Variants in KREMEN2 observed in about 807,000 individuals in gnomAD.
KREMEN2 encodes kremen protein 2.
Under a neutral mutation model 49.8 loss-of-function variants are expected in KREMEN2, and 43 were observed. The observed-to-expected ratio is 0.86, with a 90% CI of 0.68 to 1.11. KREMEN2 has a LOEUF of 1.11. KREMEN2 is among the 50% of genes most tolerant of loss of function. KREMEN2 has a pLI of 0.00. For synonymous variants in KREMEN2, 355 were observed against 304.9 expected, an observed-to-expected ratio of 1.16 and a Z score of -1.71; for missense variants, 686 against 665.7, an observed-to-expected ratio of 1.03 and a Z score of -0.34.
chr16:2,968,173 G>A lies in KREMEN2; in HGVS notation c.*153G>A, dbSNP rs1047429303. ...AAAAGTCGGACAGGAAACATCTGGT[G>A]CTATTATCTGGGACTTGGCCTGACC... On this transcript the variant is annotated 3_prime_UTR_variant, in exon 9 of 9. Coordinates refer to ENST00000303746, the MANE Select transcript of KREMEN2 (RefSeq NM_172229.3). 1 of 945,838 alleles carries A rather than the reference G, an allele frequency of 1.1e-6. No homozygotes were observed. Among genetic ancestry groups the A allele is most frequent in the Non-Finnish European group, 1.6e-6 (1 of 618,810 alleles). The allele number at this position is 945,838 out of a possible 1,614,324, so 58.6% of individuals were successfully genotyped here.
At position 2,967,898 on chromosome 16, in the gene KREMEN2, C is replaced by T. The variant is rs758718074; in HGVS notation, c.1267C>T (p.Pro423Ser). The change falls in exon 9 of 9, where the codon CCC becomes TCC. Residue 423 changes from proline to serine, a missense_variant. Physicochemically the swap from Pro to Ser is moderately conservative, Grantham distance 74. Transcript: ENST00000303746. ...AAGCTGGGCTGTGTGGTACCAACAGCCCCGAGGGGTGGCCTTGCCCTGCTC... is the reference window on the plus strand; with the variant it reads ...AAGCTGGGCTGTGTGGTACCAACAGTCCCGAGGGGTGGCCTTGCCCTGCTC... ...RRSWAVWYQQPRGVALPCSPG... is the reference protein window; with the variant it reads ...RRSWAVWYQQSRGVALPCSPG... The T allele has an allele frequency of 1.5e-5, 23 of 1,560,746 alleles. No homozygotes were observed. Among genetic ancestry groups the T allele is most frequent in the Non-Finnish European group, 1.8e-5 (21 of 1,153,424 alleles).
chr16:2,968,107 T>G lies in KREMEN2; in HGVS notation c.*87T>G. On this transcript the variant is annotated 3_prime_UTR_variant, in exon 9 of 9. Coordinates refer to ENST00000303746, the MANE Select transcript of KREMEN2 (RefSeq NM_172229.3). ...CTGCGCCCTGCCTCGGCCTTGCGCC[T>G]GTGTAGGGGCAGCTCGGCCTCTGGT... The G allele has an allele frequency of 7.4e-7, 1 of 1,357,836 alleles. No homozygotes were observed. The highest frequency in any genetic ancestry group is 1.0e-6 in the Non-Finnish European group (1 of 986,756). 84.1% of individuals were successfully genotyped at this position (1,357,836 alleles called of 1,614,324 possible). A position where few individuals can be genotyped will look rare whatever the true frequency, so the allele number is the denominator to read the frequency against.
At position 2,966,353 on chromosome 16, in the gene KREMEN2, C is replaced by T. The variant is rs1267786945; in HGVS notation, c.390C>T (p.Asp130=). 6.2e-7 allele frequency: 1 copy of T among 1,611,954 alleles called. No individual in the cohort carries two copies. Among genetic ancestry groups the T allele is most frequent in the Non-Finnish European group, 8.5e-7 (1 of 1,180,006 alleles). ...CAGGCTACCTGGGATGCTTTGTGGA[C>T]TCAGGGGCACCCCCAGCCCTCAGCG... ...HMPGYLGCFV[D]SGAPPALSGP... The change falls in exon 4 of 9, where the codon GAC becomes GAT. Residue 130 remains aspartate, a synonymous_variant. Transcript: ENST00000303746. This position sits in a 1 kb window ranked among gnomAD's most constrained non-coding sequence, Gnocchi z 8.4.
rs941149683 is a variant in KREMEN2, at chr16:2,967,185, C to T, written c.916C>T (p.Leu306Phe). The change falls in exon 6 of 9, where the codon CTC (leucine) becomes TTC (phenylalanine). Residue 306 changes from leucine to phenylalanine, a missense_variant. Physicochemically the swap from Leu to Phe is conservative, Grantham distance 22. Transcript: ENST00000303746. ...PLRLGTAALL[L>F]TFRSDARGHA... ...GCGCCTGGGCACTGCCGCGCTGCTG[C>T]TCACCTTCCGAAGCGACGCGCGCGG... The T allele has an allele frequency of 7.3e-7, 1 of 1,369,000 alleles. No individual in the cohort carries two copies. The highest frequency in any genetic ancestry group is 9.3e-7 in the Non-Finnish European group (1 of 1,070,862). 84.8% of individuals were successfully genotyped at this position (1,369,000 alleles called of 1,614,324 possible).
chr16:2,967,541 C>T lies in KREMEN2; in HGVS notation c.1115C>T (p.Thr372Met), dbSNP rs946887817. ...PAAIGARVFS[T>M]VTAVSVLLLL... The stretch of plus-strand genomic sequence containing the variant: ...GTGCCCGCAGCCCGGGTCTTCTCGA[C>T]GGTGACGGCTGTCTCGGTGCTGCTG... The change falls in exon 8 of 9, where the codon ACG becomes ATG. Residue 372 changes from threonine to methionine, a missense_variant. Thr to Met is a moderately conservative substitution (Grantham distance 81, BLOSUM62 -1). Coordinates refer to ENST00000303746, the MANE Select transcript of KREMEN2 (RefSeq NM_172229.3). 4 of 1,532,132 alleles carry T rather than the reference C, an allele frequency of 2.6e-6. No individual in the cohort carries two copies. Among genetic ancestry groups the T allele is most frequent in the South Asian group, 1.2e-5 (1 of 83,782 alleles). 94.9% of individuals were successfully genotyped at this position (1,532,132 alleles called of 1,614,324 possible).
At position 2,966,441 on chromosome 16, in the gene KREMEN2, G is replaced by A; in HGVS notation, c.478G>A (p.Gly160Arg). ...GTGCCTACGCTTCTGCCGCATGAAGGGGTACCAGGTACTGCTCACGGGCCC... is the reference window on the plus strand; with the variant it reads ...GTGCCTACGCTTCTGCCGCATGAAGAGGTACCAGGTACTGCTCACGGGCCC... The part of the protein sequence containing the change: ...QVCLRFCRMK[G>R]YQLAGVEAGY... The change falls in exon 4 of 9, where the codon GGG (glycine) becomes AGG (arginine). Residue 160 changes from glycine to arginine, a missense_variant. Transcript: ENST00000303746. The surrounding 1 kb of genome is among the most constrained non-coding windows in gnomAD (Gnocchi z 8.4). The A allele has an allele frequency of 6.2e-7, 1 of 1,610,630 alleles. No individual in the cohort carries two copies. The highest frequency in any genetic ancestry group is 8.5e-7 in the Non-Finnish European group (1 of 1,179,984).
chr16:2,967,081 G>T lies in KREMEN2; in HGVS notation c.812G>T (p.Arg271Leu), dbSNP rs966415166. The change falls in exon 6 of 9, where the codon CGG becomes CTG. Residue 271 changes from arginine (R) to leucine (L), a missense_variant. Coordinates refer to ENST00000303746, the MANE Select transcript of KREMEN2 (RefSeq NM_172229.3). ...TTCGAGCTGGCCGACCCGCGCGACCGGCTGGAGCTGCGCGACGCGGCTTCG... is the reference window on the plus strand; with the variant it reads ...TTCGAGCTGGCCGACCCGCGCGACCTGCTGGAGCTGCGCGACGCGGCTTCG... ...RLFELADPRD[R>L]LELRDAASGS... 3.3e-6 allele frequency: 5 copies of T among 1,511,538 alleles called. No individual in the cohort carries two copies. The African/African-American group carries it at 5.8e-5, about 17-fold the overall frequency. 93.6% of individuals were successfully genotyped at this position (1,511,538 alleles called of 1,614,324 possible). A position where few individuals can be genotyped will look rare whatever the true frequency, so the allele number is the denominator to read the frequency against.
Position 2,967,072 on chromosome 16 carries a change from C to A in KREMEN2, c.803C>A (p.Pro268Gln). Residue 268 changes from proline (P) to glutamine (Q), a missense_variant, in exon 6 of 9, where the codon CCG (proline) becomes CAG (glutamine). Coordinates refer to ENST00000303746, the MANE Select transcript of KREMEN2 (RefSeq NM_172229.3). ...LTFRLFELAD[P>Q]RDRLELRDAA... is the part of the protein sequence containing the mutation. ...TTCCGCCTCTTCGAGCTGGCCGACC[C>A]GCGCGACCGGCTGGAGCTGCGCGAC... 2.0e-6 allele frequency: 3 copies of A among 1,525,384 alleles called. No homozygotes were observed. Among genetic ancestry groups the A allele is most frequent in the Non-Finnish European group, 2.6e-6 (3 of 1,141,540 alleles). The allele number at this position is 1,525,384 out of a possible 1,614,324, so 94.5% of individuals were successfully genotyped here.
Position 2,968,032 on chromosome 16 carries a change from G to C in KREMEN2, c.*12G>C, listed in dbSNP as rs1314894974. ...TCTCCGCTCTCTGACTCTGGGCCCCGAGGGTCCGCTGGGCCCGCCGCCGGC... is the reference window on the plus strand; with the variant it reads ...TCTCCGCTCTCTGACTCTGGGCCCCCAGGGTCCGCTGGGCCCGCCGCCGGC... On this transcript the variant is annotated 3_prime_UTR_variant, in exon 9 of 9. Transcript: ENST00000303746. The C allele has an allele frequency of 3.9e-6, 6 of 1,542,458 alleles. No homozygotes were observed. The highest frequency in any genetic ancestry group is 2.4e-5 in the East Asian group (1 of 41,730).
chr16:2,965,810 G>A (rs936581474), intron 2 of KREMEN2, among the ~76,000 whole-genome samples: 4 of 151,658 alleles, frequency 2.6e-5, no homozygotes, highest in South Asian at 2.1e-4. Flanking sequence ...GACGGAAGTG[G>A]CTGAGGCCCA....
chr16:2,965,120 G>T, intron 2 of KREMEN2, 87 bp downstream of exon 2: 3 of 1,138,440 alleles, frequency 2.6e-6, no homozygotes, highest in Non-Finnish European at 3.5e-6. Context: ...GGGCGGGGTG[G>T]AGGTCTGCCG....
Position 2,964,460 on chromosome 16 carries a change from C to A in KREMEN2, c.-61C>A. ...CTAGGTCTCCTGGGAGACCCCGAAG[C>A]GACCCCGGGGGCAGCCCGGGCCGTG... On this transcript the variant is annotated 5_prime_UTR_variant, in exon 1 of 9. Transcript: ENST00000303746. The A allele has an allele frequency of 7.8e-7, 1 of 1,280,870 alleles. No individual in the cohort carries two copies. Among genetic ancestry groups the A allele is most frequent in the Non-Finnish European group, 1.1e-6 (1 of 930,236 alleles). 79.3% of individuals were successfully genotyped at this position (1,280,870 alleles called of 1,614,324 possible).
At position 2,966,232 on chromosome 16, in the gene KREMEN2, G is replaced by C; in HGVS notation, c.361+1G>C. On this transcript the variant is annotated splice_donor_variant, in intron 3 of 8. Transcript: ENST00000303746. LOFTEE classifies it high-confidence loss of function. The surrounding 1 kb of genome is among the most constrained non-coding windows in gnomAD (Gnocchi z 8.4). ...TACTGCGACATCCCCTCCTGTCACA[G>C]TGAGTAGCGCGGCTGGACAGAGGTG... 6.2e-7 allele frequency: 1 copy of C among 1,613,370 alleles called. No homozygotes were observed. The highest frequency in any genetic ancestry group is 8.5e-7 in the Non-Finnish European group (1 of 1,179,978).
chr16:2,966,447 C>A lies in KREMEN2; in HGVS notation c.484C>A (p.Gln162Lys). 1.2e-6 allele frequency: 2 copies of A among 1,610,396 alleles called. No homozygotes were observed. Among genetic ancestry groups the A allele is most frequent in the Non-Finnish European group, 1.7e-6 (2 of 1,179,888 alleles). ...CLRFCRMKGYQLAGVEAGYAC... is the reference protein window; with the variant it reads ...CLRFCRMKGYKLAGVEAGYAC... ...ACGCTTCTGCCGCATGAAGGGGTAC[C>A]AGGTACTGCTCACGGGCCCAGACCA... The change falls in exon 4 of 9, where the codon CAG becomes AAG. Residue 162 changes from glutamine to lysine, a missense_variant and splice_region_variant. Physicochemically the swap from Gln to Lys is moderately conservative, Grantham distance 53. Transcript: ENST00000303746. The surrounding 1 kb of genome is among the most constrained non-coding windows in gnomAD (Gnocchi z 8.4).
In KREMEN2 at chr16:2,966,690, G is replaced by C; in HGVS notation, c.535G>C (p.Asp179His). The C allele has an allele frequency of 6.2e-7, 1 of 1,611,386 alleles. No homozygotes were observed. The highest frequency in any genetic ancestry group is 1.1e-5 in the South Asian group (1 of 91,062). ...GYACFCGSES[D>H]LARGRLAPAT... ...CGCCTGCTTCTGTGGCTCTGAAAGC[G>C]ACCTGGCCCGGGGACGCCTGGCCCC... is the stretch of plus-strand genomic sequence containing the variant. The change falls in exon 5 of 9, where the codon GAC becomes CAC. Residue 179 changes from aspartate to histidine, a missense_variant. Asp to His is a moderately conservative substitution (Grantham distance 81). Transcript: ENST00000303746. The surrounding 1 kb of genome is among the most constrained non-coding windows in gnomAD (Gnocchi z 8.4).
At position 2,968,204 on chromosome 16, in the gene KREMEN2, G is replaced by C; in HGVS notation, c.*184G>C. The C allele has an allele frequency of 1.2e-6, 1 of 868,394 alleles. No individual in the cohort carries two copies. Among genetic ancestry groups the C allele is most frequent in the Non-Finnish European group, 1.8e-6 (1 of 555,526 alleles). The allele number at this position is 868,394 out of a possible 1,614,324, so 53.8% of individuals were successfully genotyped here. A position where few individuals can be genotyped will look rare whatever the true frequency, so the allele number is the denominator to read the frequency against. On this transcript the variant is annotated 3_prime_UTR_variant, in exon 9 of 9. Coordinates refer to ENST00000303746, the MANE Select transcript of KREMEN2 (RefSeq NM_172229.3). ...ATCTGGGACTTGGCCTGACCGTGGGGGTCCAGATGGTCCAGGCCCTCTCCA... is the reference window on the plus strand; with the variant it reads ...ATCTGGGACTTGGCCTGACCGTGGGCGTCCAGATGGTCCAGGCCCTCTCCA...
intron 1 of KREMEN2, 122 bp downstream of exon 1, chr16:2,964,736 C>T: frequency 7.1e-7 from 1 of 1,398,878 alleles, no homozygotes; most frequent in South Asian, 1.3e-5. Context: ...CTGAGCAGCC[C>T]GAGGGCTCCT....
rs570605177 is a variant in KREMEN2 at position 2,966,080 on chromosome 16, G to A, written c.270-60G>A. ...CACTTTGAGCATAGGCTGCGGGGCC[G>A]GGCCTGGGTTTGCTATTCTTGGGGT... On this transcript the variant is annotated intron_variant, in intron 2 of 8. Coordinates refer to ENST00000303746, the MANE Select transcript of KREMEN2 (RefSeq NM_172229.3). The surrounding 1 kb of genome is among the most constrained non-coding windows in gnomAD (Gnocchi z 8.4). 184 of 1,478,066 alleles carry A rather than the reference G, an allele frequency of 1.2e-4. 1 individual carries two copies. The African/African-American group carries it at 1.9e-3, about 16-fold the overall frequency. 91.6% of individuals were successfully genotyped at this position (1,478,066 alleles called of 1,614,324 possible). A position where few individuals can be genotyped will look rare whatever the true frequency, so the allele number is the denominator to read the frequency against.
chr16:2,966,980 C>A lies in KREMEN2; in HGVS notation c.711C>A (p.Asp237Glu). The A allele has an allele frequency of 6.4e-7, 1 of 1,555,272 alleles. No homozygotes were observed. The highest frequency in any genetic ancestry group is 8.7e-7 in the Non-Finnish European group (1 of 1,149,330). The change falls in exon 6 of 9, where the codon GAC becomes GAA. Residue 237 changes from aspartate to glutamate, a missense_variant. Asp to Glu is a conservative substitution (Grantham distance 45). Transcript: ENST00000303746. The surrounding 1 kb of genome is among the most constrained non-coding windows in gnomAD (Gnocchi z 8.4). The stretch of plus-strand genomic sequence containing the variant: ...TCATCTACTCCCCGGACTTCCCGGA[C>A]GAGTACGGGCCGGACCGGAACTGCA... ...QGVIYSPDFP[D>E]EYGPDRNCSW...
Sources: allele counts gnomAD v4.1 joint callset (sites outside exome capture counted in the v4.1 genomes callset), GRCh38; gene constraint gnomAD v4.1.1; non-coding constraint Gnocchi (gnomAD v3.1); transcripts MANE v1.5; gene names NCBI Gene and HGNC (gene_info 2026-07-23, HGNC 2026-07-21).